Variants in LRRTM4 observed in about 807,000 individuals in gnomAD.
The protein encoded by LRRTM4 is leucine rich repeat transmembrane neuronal 4, also known as leucine-rich repeat transmembrane neuronal protein 4.
A neutral mutation model predicts 47.6 loss-of-function variants in LRRTM4; 25 were observed. The ratio of observed to expected loss-of-function variants is 0.53; its 90% confidence interval spans 0.38 to 0.73. The LOEUF is 0.73. Ranked by LOEUF, LRRTM4 falls within the 30% of genes least tolerant of loss-of-function variation. The pLI, the probability that LRRTM4 is intolerant of heterozygous loss-of-function variation, is 0.00. For synonymous variants in LRRTM4, 311 were observed against 269.5 expected (o/e 1.15, Z -1.51); for missense variants, 638 against 713.4 (o/e 0.89, Z 1.20).
chr2:77,443,399 C>G (rs1440934788), intron 3 of LRRTM4, among the ~76,000 whole-genome samples: 1 of 152,024 alleles, frequency 6.6e-6, no homozygotes, highest in Admixed American at 6.6e-5. Context: ...AAATATAATA[C>G]CCGTATGGTA....
rs143163545 is a variant in LRRTM4 at position 77,155,559 on chromosome 2, T to TTA, written c.1551+362757_1551+362758dup. Among the ~76,000 whole-genome samples, 164 of 150,200 alleles carry TTA rather than the reference T, an allele frequency of 1.1e-3. 1 individual carries two copies. The highest frequency in any genetic ancestry group is 3.5e-3 in the Middle Eastern group (1 of 284). On this transcript the variant is annotated intron_variant, in intron 3 of 3. Transcript: ENST00000409884. ...AAACACATAGAAACTTTGAATAATA[T>TTA]TATATATATATATATCTTTTAACAC...
intron 3 of LRRTM4, among the ~76,000 whole-genome samples, chr2:77,335,693 G>A (rs1305310508): frequency 1.3e-5 from 2 of 152,112 alleles, no homozygotes; most frequent in African/African-American, 4.8e-5. Context: ...TAAACCACAT[G>A]GGGGCAGGGT....
chr2:77,476,813 AT>A (rs1163659952), intron 3 of LRRTM4, among the ~76,000 whole-genome samples: 1 of 152,156 alleles, frequency 6.6e-6, no homozygotes, highest in African/African-American at 2.4e-5. Context: ...CTGGAAAAAA[AT>A]AAGTAAATGG....
At chr2:77,218,460 T>A (rs1674520871) in intron 3 of LRRTM4, among the ~76,000 whole-genome samples, 1 of 152,112 alleles carries the variant, frequency 6.6e-6, no homozygotes, top group Non-Finnish European at 1.5e-5. Context: ...ACCCCATAAA[T>A]CCCATCTCTC....
At chr2:77,029,876 G>T (rs1463866800) in intron 3 of LRRTM4, among the ~76,000 whole-genome samples, 1 of 152,106 alleles carries the variant, frequency 6.6e-6, no homozygotes, top group African/African-American at 2.4e-5. Flanking sequence ...AGTCTGACAG[G>T]TTTCAGTGGT....
chr2:76,782,161 T>C (rs910205605), intron 3 of LRRTM4, among the ~76,000 whole-genome samples: 5 of 152,214 alleles, frequency 3.3e-5, no homozygotes, highest in Admixed American at 2.6e-4. Context: ...AAATAAAAGA[T>C]AAAATGGTAT....
chr2:77,502,825 C>T (rs577520070), intron 3 of LRRTM4, among the ~76,000 whole-genome samples: 12 of 151,628 alleles, frequency 7.9e-5, no homozygotes, highest in South Asian at 2.1e-4. Flanking sequence ...ATTTCTGCAA[C>T]GGCTTCCTGA....
chr2:76,895,365 A>C (rs1351656269), intron 3 of LRRTM4, among the ~76,000 whole-genome samples: 1 of 152,084 alleles, frequency 6.6e-6, no homozygotes, highest in African/African-American at 2.4e-5. Context: ...GTAATTATAA[A>C]AATGATGCCT....
chr2:76,792,183 G>A (rs1303050553), intron 3 of LRRTM4, among the ~76,000 whole-genome samples: 1 of 151,918 alleles, frequency 6.6e-6, no homozygotes, highest in Non-Finnish European at 1.5e-5. Flanking sequence ...ATGGCTTTTG[G>A]TACAATACTT....
chr2:76,933,265 T>A (rs1674833164), intron 3 of LRRTM4, among the ~76,000 whole-genome samples: 1 of 152,140 alleles, frequency 6.6e-6, no homozygotes, highest in Admixed American at 6.6e-5. Context: ...TTTCTATTTC[T>A]AAAACAATAA....
chr2:77,149,977 T>C (rs954322958), intron 3 of LRRTM4, among the ~76,000 whole-genome samples: 6 of 152,176 alleles, frequency 3.9e-5, no homozygotes, highest in Non-Finnish European at 7.4e-5. Flanking sequence ...TTTGTTTCTC[T>C]AGGCAAGGCT....
intron 3 of LRRTM4, among the ~76,000 whole-genome samples, chr2:77,148,902 G>A (rs1464048992): frequency 6.6e-6 from 1 of 152,102 alleles, no homozygotes; most frequent in Non-Finnish European, 1.5e-5. Context: ...AATGTGGCAA[G>A]ATTTTTACTC....
intron 3 of LRRTM4, among the ~76,000 whole-genome samples, chr2:77,219,409 T>TC (rs1558639135): frequency 6.6e-6 from 1 of 151,818 alleles, no homozygotes; most frequent in Admixed American, 6.6e-5. Context: ...TCAAATCCCT[T>TC]CCCCCAGAAG....
intron 3 of LRRTM4, among the ~76,000 whole-genome samples, chr2:77,189,923 G>C (rs1673620817): frequency 6.6e-6 from 1 of 151,884 alleles, no homozygotes; most frequent in Non-Finnish European, 1.5e-5. Context: ...CTTTATACTT[G>C]ACTAATTTTT....
At chr2:77,364,706 C>T (rs921419814) in intron 3 of LRRTM4, among the ~76,000 whole-genome samples, 1 of 151,924 alleles carries the variant, frequency 6.6e-6, no homozygotes, top group Non-Finnish European at 1.5e-5. Flanking sequence ...AGCAGTCTAA[C>T]GAAATCCATT....
chr2:77,275,745 T>C (rs1676328716), intron 3 of LRRTM4, among the ~76,000 whole-genome samples: 1 of 152,014 alleles, frequency 6.6e-6, no homozygotes, highest in Admixed American at 6.6e-5. Flanking sequence ...ACATTGCTTT[T>C]AAAGGCAGGT....
At chr2:76,781,097 G>A (rs1285664652) in intron 3 of LRRTM4, among the ~76,000 whole-genome samples, 1 of 152,022 alleles carries the variant, frequency 6.6e-6, no homozygotes, top group African/African-American at 2.4e-5. Flanking sequence ...ACTTGAGGAG[G>A]CAGTCTGCCC....
chr2:77,007,298 C>G (rs1172781941), intron 3 of LRRTM4, among the ~76,000 whole-genome samples: 1 of 152,038 alleles, frequency 6.6e-6, no homozygotes, highest in East Asian at 1.9e-4. Flanking sequence ...AAGCAATCAT[C>G]AAGGCTTCCT....
At chr2:76,851,206 T>C (rs990394978) in intron 3 of LRRTM4, among the ~76,000 whole-genome samples, 1 of 152,188 alleles carries the variant, frequency 6.6e-6, no homozygotes, top group South Asian at 2.1e-4. Context: ...TCTGAAATTA[T>C]GATGGAGCTC....
Sources: allele counts gnomAD v4.1 joint callset (sites outside exome capture counted in the v4.1 genomes callset), GRCh38; gene constraint gnomAD v4.1.1; transcripts MANE v1.5; gene names NCBI Gene and HGNC (gene_info 2026-07-23, HGNC 2026-07-21).